The following WWOX variants were observed in gnomAD, a reference collection of about 807,000 sequenced individuals.
The protein encoded by WWOX is WW domain containing oxidoreductase.
In WWOX, 69 loss-of-function variants were observed where a neutral mutation model predicts 46.2. The observed-to-expected ratio is 1.49, with a 90% CI of 1.23 to 1.82. The LOEUF (loss-of-function observed/expected upper bound fraction) is 1.82, where lower values mean the gene tolerates loss of function less well. Among genes scored for constraint, WWOX ranks in the 40% most tolerant of loss-of-function variants. The pLI, the probability that WWOX is intolerant of heterozygous loss-of-function variation, is 0.00. For missense variants in WWOX, 919 were observed against 542.6 expected (o/e 1.69, Z -6.89); for synonymous variants, 359 against 202.6 (o/e 1.77, Z -6.56).
At chr16:78,373,773 T>C (rs550741571) in intron 5 of WWOX, among the ~76,000 whole-genome samples, 1 of 152,344 alleles carries the variant, frequency 6.6e-6, no homozygotes, top group East Asian at 1.9e-4. Flanking sequence ...TTTCTTATTT[T>C]TAAACTTTTC....
intron 5 of WWOX, among the ~76,000 whole-genome samples, chr16:78,251,875 G>C (rs1300829242): frequency 6.6e-6 from 1 of 152,252 alleles, no homozygotes; most frequent in South Asian, 2.1e-4. Context: ...GTTATGTGTG[G>C]ATTTCATTTA....
At chr16:78,444,557 G>T (rs976095730) in intron 8 of WWOX, among the ~76,000 whole-genome samples, 1 of 144,200 alleles carries the variant, frequency 6.9e-6, no homozygotes, top group African/African-American at 2.7e-5. Flanking sequence ...TTGAGGTGGA[G>T]TCTCACTCTG....
intron 8 of WWOX, among the ~76,000 whole-genome samples, chr16:78,874,255 C>CA (rs55971104): frequency 0.26 from 23,590 of 91,148 alleles, 2,527 homozygotes; most frequent in South Asian, 0.39. Flanking sequence ...GACTCTGTCT[C>CA]AAAAAAAAAA....
intron 8 of WWOX, chr16:78,757,055 T>C (rs1218024861): frequency 2.8e-6 from 2 of 702,602 alleles, no homozygotes; most frequent in African/African-American, 3.5e-5. Flanking sequence ...GCAGCCCTAG[T>C]TAAGCCTTGA....
At chr16:79,103,551 T>A (rs1567552301) in intron 8 of WWOX, among the ~76,000 whole-genome samples, 1 of 152,148 alleles carries the variant, frequency 6.6e-6, no homozygotes, top group African/African-American at 2.4e-5. Context: ...GAGAAAAGGG[T>A]GATTGTCAGC....
intron 8 of WWOX, among the ~76,000 whole-genome samples, chr16:78,441,751 G>C (rs564887731): frequency 1.3e-5 from 2 of 152,194 alleles, no homozygotes; most frequent in African/African-American, 4.8e-5. Context: ...AATTAAAGAC[G>C]TTATGAACTT....
intron 5 of WWOX, among the ~76,000 whole-genome samples, chr16:78,266,819 T>TCTCTCTCTCTCTCTCTCTCG (rs2079374294): frequency 6.6e-6 from 1 of 150,812 alleles, no homozygotes; most frequent in African/African-American, 2.5e-5. Flanking sequence ...TCTCTCTCTC[T>TCTCTCTCTCTCTCTCTCTCG]CTCTCTGTCT....
At chr16:78,511,396 C>T (rs2085357027) in intron 8 of WWOX, among the ~76,000 whole-genome samples, 1 of 152,160 alleles carries the variant, frequency 6.6e-6, no homozygotes, top group African/African-American at 2.4e-5. Context: ...AAACGTCCAG[C>T]TGAAAACAAA....
intron 8 of WWOX, among the ~76,000 whole-genome samples, chr16:78,943,537 G>C (rs113312150): frequency 6.6e-6 from 1 of 152,194 alleles, no homozygotes; most frequent in Non-Finnish European, 1.5e-5. Flanking sequence ...TATCAGAGCA[G>C]CCTTGCTCTT....
chr16:79,113,878 G>T (rs545264303), intron 8 of WWOX, among the ~76,000 whole-genome samples: 31 of 152,328 alleles, frequency 2.0e-4, no homozygotes, highest in African/African-American at 7.0e-4. Flanking sequence ...CTTGAACCAG[G>T]GTCTCTCAGT....
chr16:79,066,127 A>G (rs762430206), intron 8 of WWOX, among the ~76,000 whole-genome samples: 2 of 152,114 alleles, frequency 1.3e-5, no homozygotes, highest in Non-Finnish European at 2.9e-5. Flanking sequence ...TGCACTGCCC[A>G]AGAACCTTTT....
At chr16:78,875,916 T>C (rs79194472) in intron 8 of WWOX, among the ~76,000 whole-genome samples, 5,790 of 152,298 alleles carry the variant, frequency 0.038, 138 homozygotes, top group Middle Eastern at 0.068. Context: ...CCTGATACCA[T>C]TTAGCCTATT....
chr16:78,340,289 C>T (rs1262249176), intron 5 of WWOX, among the ~76,000 whole-genome samples: 3 of 116,702 alleles, frequency 2.6e-5, no homozygotes, highest in East Asian at 1.9e-4. Flanking sequence ...CTCCACCTCC[C>T]AGGTTCAAGT....
chr16:78,861,998 T>A (rs1029263199), intron 8 of WWOX, among the ~76,000 whole-genome samples: 5 of 152,080 alleles, frequency 3.3e-5, no homozygotes, highest in Admixed American at 6.5e-5. Flanking sequence ...TAATACTATA[T>A]GTGTGTGTGT....
At chr16:79,099,070 C>T (rs1022992529) in intron 8 of WWOX, among the ~76,000 whole-genome samples, 1 of 149,510 alleles carries the variant, frequency 6.7e-6, no homozygotes, top group Admixed American at 6.6e-5. Flanking sequence ...GCAGAGATCA[C>T]ATGGGCAGAG....
At chr16:79,133,823 G>A (rs557855578) in intron 8 of WWOX, among the ~76,000 whole-genome samples, 2 of 152,246 alleles carry the variant, frequency 1.3e-5, no homozygotes, top group South Asian at 4.1e-4. Context: ...AAATGACATT[G>A]GTCAATCCTC....
intron 8 of WWOX, among the ~76,000 whole-genome samples, chr16:78,604,482 C>G (rs550910607): frequency 6.0e-4 from 91 of 152,184 alleles, no homozygotes; most frequent in African/African-American, 2.1e-3. Context: ...TCCCAGAGGT[C>G]CGTCTGTGAC....
intron 8 of WWOX, among the ~76,000 whole-genome samples, chr16:78,611,527 G>T (rs2045900043): frequency 6.6e-6 from 1 of 152,152 alleles, no homozygotes; most frequent in African/African-American, 2.4e-5. Context: ...ACTTATGGGA[G>T]GTACTGGCCA....
At chr16:78,641,674 G>A (rs2046715528) in intron 8 of WWOX, among the ~76,000 whole-genome samples, 1 of 152,182 alleles carries the variant, frequency 6.6e-6, no homozygotes, top group Non-Finnish European at 1.5e-5. Flanking sequence ...CGGCCCCGCA[G>A]ATTGCCAGTG....
Sources: allele counts gnomAD v4.1 joint callset (sites outside exome capture counted in the v4.1 genomes callset), GRCh38; gene constraint gnomAD v4.1.1; transcripts MANE v1.5; gene names NCBI Gene and HGNC (gene_info 2026-07-23, HGNC 2026-07-21).